MGMT: variants seen among roughly 807,000 people sequenced by gnomAD.
The protein encoded by MGMT is methylated-DNA--protein-cysteine methyltransferase.
In MGMT, 14 loss-of-function variants were observed where a neutral mutation model predicts 15.9. That is an observed-to-expected ratio of 0.88 (90% CI 0.58 to 1.37). MGMT has a LOEUF of 1.37. Among genes scored for constraint, MGMT ranks in the 40% most tolerant of loss-of-function variants. MGMT has a pLI of 0.00. For missense variants in MGMT, 282 were observed against 268.1 expected, an observed-to-expected ratio of 1.05 and a Z score of -0.36; for synonymous variants, 130 against 118.2, an observed-to-expected ratio of 1.10 and a Z score of -0.65.
chr10:129,715,098 A>G (rs2133148914), intron 3 of MGMT, among the ~76,000 whole-genome samples: 1 of 152,350 alleles, frequency 6.6e-6, no homozygotes, highest in Admixed American at 6.5e-5. Context: ...AGAGTCAGCC[A>G]CTTCCAAACC....
chr10:129,592,601 C>T (rs1846699758), intron 2 of MGMT, among the ~76,000 whole-genome samples: 1 of 152,114 alleles, frequency 6.6e-6, no homozygotes, highest in African/African-American at 2.4e-5. Flanking sequence ...TGGGAGCTGC[C>T]CCTTGTTGAG....
chr10:129,521,908 C>T (rs1287541511), intron 1 of MGMT, among the ~76,000 whole-genome samples: 2 of 152,236 alleles, frequency 1.3e-5, no homozygotes, highest in Admixed American at 1.3e-4. Flanking sequence ...CATCCCTCTG[C>T]TGTTTGCAGA....
intron 2 of MGMT, among the ~76,000 whole-genome samples, chr10:129,691,119 G>A (rs560502472): frequency 2.6e-5 from 4 of 152,344 alleles, no homozygotes; most frequent in East Asian, 1.9e-4. Context: ...GTGGGAACTG[G>A]GAGCTGTTCC....
At chr10:129,690,586 G>A (rs1210178185) in intron 2 of MGMT, among the ~76,000 whole-genome samples, 2 of 152,204 alleles carry the variant, frequency 1.3e-5, no homozygotes, top group Non-Finnish European at 2.9e-5. Flanking sequence ...TGGGCTGCAC[G>A]CATGCTGGTC....
At chr10:129,555,465 C>G (rs1477143420) in intron 2 of MGMT, among the ~76,000 whole-genome samples, 1 of 152,104 alleles carries the variant, frequency 6.6e-6, no homozygotes, top group African/African-American at 2.4e-5. Context: ...AATCCCAGCA[C>G]TTTGGGAGGC....
intron 3 of MGMT, among the ~76,000 whole-genome samples, chr10:129,758,173 T>G (rs1009891506): frequency 1.3e-5 from 2 of 152,234 alleles, no homozygotes; most frequent in East Asian, 1.9e-4. Context: ...GAAGTGATTT[T>G]TATTATTTAA....
intron 2 of MGMT, among the ~76,000 whole-genome samples, chr10:129,587,422 G>A (rs868127568): frequency 6.8e-6 from 1 of 147,088 alleles, no homozygotes; most frequent in Non-Finnish European, 1.5e-5. Flanking sequence ...ATGTCATCTA[G>A]TATGTTTTTC....
intron 2 of MGMT, among the ~76,000 whole-genome samples, chr10:129,681,011 A>G (rs966711787): frequency 6.6e-6 from 1 of 152,170 alleles, no homozygotes; most frequent in African/African-American, 2.4e-5. Context: ...TTTCCCTCTG[A>G]AACTGCTCCC....
intron 2 of MGMT, among the ~76,000 whole-genome samples, chr10:129,624,383 G>T (rs1182629760): frequency 6.6e-6 from 1 of 152,296 alleles, no homozygotes; most frequent in South Asian, 2.1e-4. Context: ...ACCCCGGGCC[G>T]TGTGTCTTTG....
intron 3 of MGMT, among the ~76,000 whole-genome samples, chr10:129,725,454 C>T (rs1421829278): frequency 2.0e-5 from 3 of 152,270 alleles, no homozygotes; most frequent in Non-Finnish European, 4.4e-5. Flanking sequence ...TTTCCACAGC[C>T]TGCTGCTGTC....
intron 2 of MGMT, among the ~76,000 whole-genome samples, chr10:129,658,177 G>T (rs1199253767): frequency 1.3e-5 from 2 of 152,110 alleles, no homozygotes; most frequent in Non-Finnish European, 2.9e-5. Context: ...AATGGAAGAC[G>T]GGCTTCTGGC....
At chr10:129,591,550 G>T (rs1846685954) in intron 2 of MGMT, among the ~76,000 whole-genome samples, 1 of 152,332 alleles carries the variant, frequency 6.6e-6, no homozygotes, top group Non-Finnish European at 1.5e-5. Context: ...GCTGGACCTA[G>T]ATCCAGGCCA....
rs76644897 is a variant in MGMT, at chr10:129,579,643, C to T, written c.125+43266C>T. On this transcript the variant is annotated intron_variant, in intron 2 of 4. Coordinates refer to ENST00000651593, the MANE Select transcript of MGMT (RefSeq NM_002412.5). Reference sequence around the variant, plus strand: ...CCGTGTTTAAAGGCGACACATGGAACGAGCATGGCTCATAATTTTGAGTTT... The same window carrying T: ...CCGTGTTTAAAGGCGACACATGGAATGAGCATGGCTCATAATTTTGAGTTT... Among the ~76,000 whole-genome samples, 710 of 152,312 alleles carry T rather than the reference C, an allele frequency of 4.7e-3. 3 individuals carry two copies. The highest frequency in any genetic ancestry group is 0.016 in the African/African-American group (669 of 41,556).
At chr10:129,611,236 A>C (rs1363484111) in intron 2 of MGMT, among the ~76,000 whole-genome samples, 5 of 152,216 alleles carry the variant, frequency 3.3e-5, no homozygotes, top group Admixed American at 2.0e-4. Context: ...TAATTAACTC[A>C]GAGTTATCTG....
rs75532157 is a variant in MGMT at position 129,711,990 on chromosome 10, G to A, written c.274+3947G>A. On this transcript the variant is annotated intron_variant, in intron 3 of 4. Coordinates refer to ENST00000651593, the MANE Select transcript of MGMT (RefSeq NM_002412.5). ...ATGTGCCTTCTGGAGAAGCTGTAGG[G>A]GTCAGCAGCCAATGCAGCTACAAGA... 3.8e-3 allele frequency among the ~76,000 whole-genome samples: 586 copies of A among 152,226 alleles called. 2 individuals are homozygous for A. Among genetic ancestry groups the A allele is most frequent in the African/African-American group, 0.014 (564 of 41,528 alleles).
At chr10:129,704,259 C>T (rs1356132379) in intron 2 of MGMT, among the ~76,000 whole-genome samples, 2 of 152,132 alleles carry the variant, frequency 1.3e-5, no homozygotes, top group Admixed American at 6.6e-5. Context: ...AGTGAAAAGA[C>T]AGCACTCCCA....
At chr10:129,534,423 C>G (rs1459293274) in intron 1 of MGMT, among the ~76,000 whole-genome samples, 1 of 152,056 alleles carries the variant, frequency 6.6e-6, no homozygotes, top group Non-Finnish European at 1.5e-5. Flanking sequence ...AAATCCCTGT[C>G]AGTCTGCACA....
intron 2 of MGMT, among the ~76,000 whole-genome samples, chr10:129,612,998 G>A (rs2133069511): frequency 6.6e-6 from 1 of 152,220 alleles, no homozygotes; most frequent in East Asian, 1.9e-4. Flanking sequence ...TTATAGCCGA[G>A]TTCAGACCCA....
Position 129,731,356 on chromosome 10 carries a change from C to CTTT in MGMT, c.274+23335_274+23337dup, listed in dbSNP as rs547636043. Among the ~76,000 whole-genome samples, 172 of 96,966 alleles carry CTTT rather than the reference C, an allele frequency of 1.8e-3. 1 individual carries two copies. Among genetic ancestry groups the CTTT allele is most frequent in the Non-Finnish European group, 2.4e-3 (126 of 52,156 alleles). The allele number at this position is 96,966 out of a possible 152,430, so 63.6% of individuals were successfully genotyped here. ...GCCATATTGGAAATTAAACCTAAGA[C>CTTT]TTTTTTTTTTTTTTTTTTTTTTTTG... is the stretch of plus-strand genomic sequence containing the variant. On this transcript the variant is annotated intron_variant, in intron 3 of 4. Transcript: ENST00000651593.
Sources: gnomAD v4.1 joint callset for allele counts (sites outside exome capture counted in the v4.1 genomes callset) on GRCh38, gnomAD v4.1.1 for gene constraint, MANE v1.5 for transcripts, NCBI Gene and HGNC (gene_info 2026-07-23, HGNC 2026-07-21) for gene names.